The following RASGRF2 variants were observed in gnomAD, a reference collection of about 807,000 sequenced individuals.
RASGRF2 encodes the protein Ras protein specific guanine nucleotide releasing factor 2.
A neutral mutation model predicts 151.0 loss-of-function variants in RASGRF2; 76 were observed. That is an observed-to-expected ratio of 0.50 (90% CI 0.42 to 0.61). RASGRF2 has a LOEUF of 0.61. Among genes scored for constraint, RASGRF2 ranks in the 20% least tolerant of loss-of-function variants. The pLI is 0.00. For missense variants in RASGRF2, 1,148 were observed against 1,564.6 expected (o/e 0.73, Z 4.49); for synonymous variants, 504 against 566.5 (o/e 0.89, Z 1.57).
chr5:81,176,655 C>A (rs1442239847), intron 17 of RASGRF2, among the ~76,000 whole-genome samples: 2 of 108,118 alleles, frequency 1.8e-5, no homozygotes, highest in African/African-American at 6.8e-5. Flanking sequence ...CCATGGTGAT[C>A]CCAGTGCAGG....
intron 15 of RASGRF2, among the ~76,000 whole-genome samples, chr5:81,118,098 G>A (rs1256565470): frequency 6.6e-6 from 1 of 152,208 alleles, no homozygotes; most frequent in African/African-American, 2.4e-5. Context: ...GGTGTTGCAT[G>A]CTGGCAGTTC....
At chr5:81,224,154 G>C (rs983883846) in intron 26 of RASGRF2, among the ~76,000 whole-genome samples, 3 of 152,036 alleles carry the variant, frequency 2.0e-5, no homozygotes, top group African/African-American at 7.2e-5. Flanking sequence ...GTAAACCTGT[G>C]AATAGTTAAT....
At chr5:81,125,866 TGATAATATGGAGGAA>T (rs1457227354) in intron 16 of RASGRF2, among the ~76,000 whole-genome samples, 2 of 152,242 alleles carry the variant, frequency 1.3e-5, no homozygotes, top group Non-Finnish European at 2.9e-5. Context: ...CTGAAACCTG[TGATAATATGGAGGAA>T]CTGAACAAGG....
chr5:81,219,371 A>G (rs1164387611), intron 25 of RASGRF2, among the ~76,000 whole-genome samples: 3 of 152,076 alleles, frequency 2.0e-5, no homozygotes, highest in African/African-American at 7.2e-5. Flanking sequence ...ATGAGCCACC[A>G]TGCCCAGCCT....
chr5:81,038,597 A>G (rs796732239), intron 1 of RASGRF2, among the ~76,000 whole-genome samples: 12 of 97,922 alleles, frequency 1.2e-4, no homozygotes, highest in African/African-American at 4.7e-4. Context: ...TTTTGTAGAG[A>G]TGGGGTCTCT....
intron 1 of RASGRF2, among the ~76,000 whole-genome samples, chr5:80,974,671 C>G (rs1038261267): frequency 4.4e-4 from 56 of 126,840 alleles, no homozygotes; most frequent in Non-Finnish European, 7.6e-4. Flanking sequence ...GTGTCCCTTC[C>G]CACCTTGTGA....
At chr5:81,100,151 C>T (rs1752662053) in intron 12 of RASGRF2, among the ~76,000 whole-genome samples, 1 of 152,116 alleles carries the variant, frequency 6.6e-6, no homozygotes, top group South Asian at 2.1e-4. Context: ...TCGTGATCCA[C>T]CCGCCTCGGC....
rs189387330 is a variant in RASGRF2, at chr5:81,175,204, C to T, written c.2687-4971C>T. ...GCAGTTGCTCTTATGTTGAAGAAGC[C>T]GCATTACTTATGGTACTATATTTAG... is the stretch of plus-strand genomic sequence containing the variant. On this transcript the variant is annotated intron_variant, in intron 17 of 26. Coordinates refer to ENST00000265080, the MANE Select transcript of RASGRF2 (RefSeq NM_006909.3). Among the ~76,000 whole-genome samples, 33 of 152,232 alleles carry T rather than the reference C, an allele frequency of 2.2e-4. No individual in the cohort carries two copies. In the Middle Eastern group the frequency reaches 0.021, roughly 95 times the overall value.
intron 22 of RASGRF2, among the ~76,000 whole-genome samples, chr5:81,212,045 C>T (rs1755641047): frequency 6.6e-6 from 1 of 152,096 alleles, no homozygotes; most frequent in African/African-American, 2.4e-5. Flanking sequence ...TTTCCGCAGG[C>T]GTTAGGTTAT....
At chr5:81,081,648 G>T (rs796944314) in intron 7 of RASGRF2, among the ~76,000 whole-genome samples, 13 of 152,132 alleles carry the variant, frequency 8.5e-5, no homozygotes, top group Admixed American at 8.5e-4. Flanking sequence ...GTGTGTTATG[G>T]TTACTGTGGA....
chr5:80,960,985 G>A lies in RASGRF2; in HGVS notation c.247G>A (p.Gly83Ser), dbSNP rs1350486743. Residue 83 changes from glycine (G) to serine (S), a missense_variant, in exon 1 of 27, where the codon GGC (glycine) becomes AGC (serine). Gly to Ser is a moderately conservative substitution (Grantham distance 56). Transcript: ENST00000265080. The surrounding 1 kb of genome is among the most constrained non-coding windows in gnomAD (Gnocchi z 5.5). ...CERTPAPPRA[G>S]AGQGGVRDAL... ...ACGAACGCCCGCGCCACCCAGGGCC[G>A]GCGCCGGGCAGGGAGGCGTCCGAGA... 18 of 1,546,760 alleles carry A rather than the reference G, an allele frequency of 1.2e-5. No individual in the cohort carries two copies. Among genetic ancestry groups the A allele is most frequent in the Middle Eastern group, 4.8e-4 (2 of 4,200 alleles).
At chr5:80,989,729 A>G (rs917417981) in intron 1 of RASGRF2, among the ~76,000 whole-genome samples, 1 of 152,206 alleles carries the variant, frequency 6.6e-6, no homozygotes, top group African/African-American at 2.4e-5. Flanking sequence ...TCCATTTTGA[A>G]GCCTGGGCTT....
chr5:81,144,160 A>T (rs1753950584), intron 17 of RASGRF2, among the ~76,000 whole-genome samples: 2 of 152,226 alleles, frequency 1.3e-5, no homozygotes, highest in African/African-American at 2.4e-5. Flanking sequence ...CATTAAAAGG[A>T]TGTGACAAGC....
intron 2 of RASGRF2, among the ~76,000 whole-genome samples, chr5:81,060,379 T>C (rs1255774121): frequency 6.6e-6 from 1 of 152,114 alleles, no homozygotes; most frequent in East Asian, 1.9e-4. Flanking sequence ...ATGTCCCTGC[T>C]TCAAGTCGTT....
chr5:81,193,463 C>G (rs1755192829), intron 18 of RASGRF2, among the ~76,000 whole-genome samples: 1 of 152,160 alleles, frequency 6.6e-6, no homozygotes, highest in Non-Finnish European at 1.5e-5. Context: ...TTTCAGCCTT[C>G]CCTTCCCCAA....
At chr5:81,121,558 T>C (rs775049765) in intron 15 of RASGRF2, among the ~76,000 whole-genome samples, 3 of 152,224 alleles carry the variant, frequency 2.0e-5, no homozygotes, top group Non-Finnish European at 4.4e-5. Flanking sequence ...GGAAATATCC[T>C]TTAAAATGAG....
chr5:81,054,313 G>A (rs1439894719), intron 2 of RASGRF2, among the ~76,000 whole-genome samples: 2 of 151,764 alleles, frequency 1.3e-5, no homozygotes, highest in Non-Finnish European at 1.5e-5. Flanking sequence ...TAAGGTGTAA[G>A]GAAGGGATCC....
intron 19 of RASGRF2, among the ~76,000 whole-genome samples, chr5:81,202,175 C>T (rs745884897): frequency 1.1e-4 from 16 of 152,176 alleles, no homozygotes; most frequent in Middle Eastern, 3.4e-3. Flanking sequence ...TAGCTTTGTG[C>T]AGACATTTCA....
At chr5:81,161,928 C>CTACAAAAGAA (rs964838280) in intron 17 of RASGRF2, among the ~76,000 whole-genome samples, 1 of 149,786 alleles carries the variant, frequency 6.7e-6, no homozygotes, top group African/African-American at 2.5e-5. Context: ...TTTTCTGAAG[C>CTACAAAAGAA]TACAAAAGAA....
Sources: gnomAD v4.1 joint callset for allele counts (sites outside exome capture counted in the v4.1 genomes callset) on GRCh38, gnomAD v4.1.1 for gene constraint, Gnocchi (gnomAD v3.1) non-coding constraint, MANE v1.5 for transcripts, NCBI Gene and HGNC (gene_info 2026-07-23, HGNC 2026-07-21) for gene names.